Variants in TPO observed in about 807,000 individuals in gnomAD.
TPO encodes the protein thyroid microsomal antigen.
Under a neutral mutation model 96.9 loss-of-function variants are expected in TPO, and 78 were observed. That is an observed-to-expected ratio of 0.81 (90% CI 0.67 to 0.97). TPO has a LOEUF of 0.97. Ranked by LOEUF, TPO falls within the 50% of genes least tolerant of loss-of-function variation. The pLI is 0.00. For synonymous variants in TPO, 547 were observed against 538.0 expected, an observed-to-expected ratio of 1.02 and a Z score of -0.23; for missense variants, 1,252 against 1,274.8, an observed-to-expected ratio of 0.98 and a Z score of 0.27.
chr2:1,460,307 G>A (rs1668304090), intron 7 of TPO, among the ~76,000 whole-genome samples: 1 of 152,126 alleles, frequency 6.6e-6, no homozygotes, highest in African/African-American at 2.4e-5. Context: ...AGATCTTGCA[G>A]AAGTACCTGT....
At chr2:1,409,942 C>T (rs530012232), upstream of TPO, among the ~76,000 whole-genome samples, 1 of 64,476 alleles carries the variant, frequency 1.6e-5, no homozygotes, top group Non-Finnish European at 3.1e-5. Flanking sequence ...GGTTACGGGG[C>T]AGGTGCGGTG....
chr2:1,397,141 A>C (rs369502079), intron 1 of TPO, among the ~76,000 whole-genome samples: 1 of 152,170 alleles, frequency 6.6e-6, no homozygotes, highest in South Asian at 2.1e-4. Flanking sequence ...TGCCAGCTTT[A>C]TCTGTTTTAA....
intron 15 of TPO, among the ~76,000 whole-genome samples, chr2:1,539,185 A>G (rs1231166244): frequency 6.7e-6 from 1 of 150,240 alleles, no homozygotes; most frequent in Non-Finnish European, 1.5e-5. Flanking sequence ...TAATGAGCAG[A>G]CAGTGAATGA....
intron 8 of TPO, among the ~76,000 whole-genome samples, chr2:1,480,824 C>CCACACCACCTT (rs1558339135): frequency 7.5e-6 from 1 of 133,748 alleles, no homozygotes; most frequent in African/African-American, 2.6e-5. Flanking sequence ...CACACCACGT[C>CCACACCACCTT]CCTGCTGCTG....
intron 10 of TPO, among the ~76,000 whole-genome samples, chr2:1,490,438 T>A (rs1247814516): frequency 1.3e-4 from 15 of 113,790 alleles, no homozygotes; most frequent in African/African-American, 3.2e-4. Context: ...ACAGGGGGAG[T>A]CACGACACAG....
At chr2:1,512,581 GC>G in intron 14 of TPO, 1 of 727,124 alleles carries the variant, frequency 1.4e-6, no homozygotes, top group Non-Finnish European at 1.7e-6. Context: ...GTCAGGGTCC[GC>G]CGCAGAACAC....
At chr2:1,479,272 T>C (rs1291672897) in intron 8 of TPO, among the ~76,000 whole-genome samples, 1 of 152,212 alleles carries the variant, frequency 6.6e-6, no homozygotes, top group Non-Finnish European at 1.5e-5. Context: ...GTCTGCTTCC[T>C]TGCTTCTGTG....
At chr2:1,530,967 C>G (rs13392954) in intron 15 of TPO, among the ~76,000 whole-genome samples, 7,868 of 75,088 alleles carry the variant, frequency 0.1, 908 homozygotes, top group African/African-American at 0.32. Flanking sequence ...CTCCTCAAAT[C>G]CCCCCAGTAT....
At chr2:1,386,872 G>T (rs1435102787) in intron 1 of TPO, among the ~76,000 whole-genome samples, 1 of 152,124 alleles carries the variant, frequency 6.6e-6, no homozygotes, top group Admixed American at 6.6e-5. Flanking sequence ...TCCATGTTTA[G>T]TGCTTCCTTC....
At chr2:1,393,353 C>G (rs568220572) in intron 1 of TPO, among the ~76,000 whole-genome samples, 1 of 152,346 alleles carries the variant, frequency 6.6e-6, no homozygotes, top group East Asian at 1.9e-4. Flanking sequence ...CCACCAGGCC[C>G]CTCTTCCAAC....
intron 1 of TPO, among the ~76,000 whole-genome samples, chr2:1,402,672 C>T (rs1270158244): frequency 6.6e-6 from 1 of 152,114 alleles, no homozygotes; most frequent in Non-Finnish European, 1.5e-5. Context: ...AAGGGGGAAA[C>T]TTCTTATAAA....
chr2:1,435,468 G>T (rs929046259), intron 4 of TPO, among the ~76,000 whole-genome samples: 3 of 152,150 alleles, frequency 2.0e-5, no homozygotes, highest in African/African-American at 7.2e-5. Flanking sequence ...AAAATGGAAT[G>T]CATTCCTTCC....
chr2:1,446,044 G>A lies in TPO; in HGVS notation c.483-7650G>A, dbSNP rs191854021. Among the ~76,000 whole-genome samples the A allele has an allele frequency of 1.4e-3, 211 of 152,256 alleles. 1 individual carries two copies. Among genetic ancestry groups the A allele is most frequent in the African/African-American group, 5.0e-3 (209 of 41,552 alleles). On this transcript the variant is annotated intron_variant, in intron 5 of 16. Coordinates refer to ENST00000329066, the MANE Select transcript of TPO (RefSeq NM_001206744.2). ...GATTCCTGCTATTAAATTGGGGTAC[G>A]ACTTATGCAGGGCTTGGGGGTGAAT...
At chr2:1,452,104 T>C (rs1381057509) in intron 5 of TPO, among the ~76,000 whole-genome samples, 1 of 152,250 alleles carries the variant, frequency 6.6e-6, no homozygotes, top group Non-Finnish European at 1.5e-5. Flanking sequence ...ATGTATTTTA[T>C]AAATTTAAAT....
intron 5 of TPO, among the ~76,000 whole-genome samples, chr2:1,445,289 T>C (rs59633221): frequency 1.3e-4 from 16 of 118,538 alleles, no homozygotes; most frequent in South Asian, 3.8e-4. Context: ...AGGCACCATG[T>C]TGGAAGGGAA....
rs547804112 is a variant in TPO, at chr2:1,377,616, C to T, written n.180+3214C>T. On this transcript the variant is annotated intron_variant and non_coding_transcript_variant, in intron 1 of 5. Transcript: ENST00000497517. The stretch of plus-strand genomic sequence containing the variant: ...TGAGTCTGCCCTGCCTGGCTGCTTT[C>T]GGATCCTGTGTCCTCAGAACCCACC... 9.0e-4 allele frequency among the ~76,000 whole-genome samples: 137 copies of T among 152,288 alleles called. 3 individuals carry two copies. Among genetic ancestry groups the T allele is most frequent in the Admixed American group, 8.0e-3 (122 of 15,288 alleles).
At chr2:1,449,155 T>C (rs1667101741) in intron 5 of TPO, among the ~76,000 whole-genome samples, 1 of 152,214 alleles carries the variant, frequency 6.6e-6, no homozygotes, top group Admixed American at 6.5e-5. Flanking sequence ...TTTAAGTTAT[T>C]GGAAGAACCC....
intron 15 of TPO, among the ~76,000 whole-genome samples, chr2:1,521,677 G>A (rs1243631685): frequency 6.6e-6 from 1 of 152,102 alleles, no homozygotes; most frequent in Non-Finnish European, 1.5e-5. Context: ...AGAGTGGCCA[G>A]CCTGGGCTAC....
Position 1,516,909 on chromosome 2 carries a change from T to C in TPO, c.2545T>C (p.Trp849Arg). Reference protein sequence around the residue: ...VDSGRLPRVTWISMSLAALLI... With the variant: ...VDSGRLPRVTRISMSLAALLI... ...CTCCGGGAGGCTCCCTCGGGTGACT[T>C]GGATCTCCATGTCGCTGGCTGCTCT... The change falls in exon 15 of 17, where the codon TGG (tryptophan) becomes CGG (arginine). Residue 849 changes from tryptophan (W) to arginine (R), a missense_variant. Transcript: ENST00000329066. 1.2e-6 allele frequency: 2 copies of C among 1,613,970 alleles called. No individual in the cohort carries two copies. Among genetic ancestry groups the C allele is most frequent in the Middle Eastern group, 1.7e-4 (1 of 6,060 alleles).
Sources: gnomAD v4.1 joint callset for allele counts (sites outside exome capture counted in the v4.1 genomes callset) on GRCh38, gnomAD v4.1.1 for gene constraint, MANE v1.5 for transcripts, NCBI Gene and HGNC (gene_info 2026-07-23, HGNC 2026-07-21) for gene names.